Variants in C7 observed in about 807,000 individuals in gnomAD.
C7 encodes the protein complement C7, also known as complement component C7.
C7 carries 83 observed loss-of-function variants against 104.8 expected under a neutral mutation model. The ratio of observed to expected loss-of-function variants is 0.79; its 90% CI spans 0.66 to 0.95. The LOEUF (loss-of-function observed/expected upper bound fraction) is 0.95. Ranked by LOEUF, C7 falls within the 40% of genes least tolerant of loss-of-function variation. The pLI is 0.00. For synonymous variants in C7, 415 were observed against 360.6 expected, an observed-to-expected ratio of 1.15 and a Z score of -1.71; for missense variants, 1,070 against 1,011.2, an observed-to-expected ratio of 1.06 and a Z score of -0.79.
intron 9 of C7, among the ~76,000 whole-genome samples, chr5:40,954,027 T>C (rs1299129086): frequency 6.6e-6 from 1 of 152,184 alleles, no homozygotes; most frequent in Non-Finnish European, 1.5e-5. Context: ...AGGTTGGAAA[T>C]TTCTTGTCAT....
chr5:40,972,727 G>A, intron 15 of C7, 133 bp downstream of exon 15: 1 of 653,072 alleles, frequency 1.5e-6, no homozygotes. Context: ...GATAGGGTCA[G>A]TTTGTAGACT....
At chr5:40,974,367 T>C (rs986019533) in intron 15 of C7, among the ~76,000 whole-genome samples, 2 of 151,936 alleles carry the variant, frequency 1.3e-5, no homozygotes, top group Admixed American at 6.6e-5. Context: ...CAAAAATTCT[T>C]TGGGCTAGGT....
chr5:40,953,153 G>T (rs1010938548), intron 9 of C7, among the ~76,000 whole-genome samples: 1 of 151,746 alleles, frequency 6.6e-6, no homozygotes, highest in African/African-American at 2.4e-5. Flanking sequence ...ATGAAGACGA[G>T]GAAGCATCAG....
chr5:40,979,073 T>A (rs1049272965), intron 16 of C7, among the ~76,000 whole-genome samples: 4 of 151,694 alleles, frequency 2.6e-5, no homozygotes, highest in African/African-American at 9.7e-5. Flanking sequence ...AGAGATGGGG[T>A]TTCGCCATGT....
Position 40,934,464 on chromosome 5 carries a change from C to T in C7, c.278C>T (p.Ser93Leu). The T allele has an allele frequency of 4.3e-6, 7 of 1,613,460 alleles. No individual in the cohort carries two copies. The highest frequency in any genetic ancestry group is 5.9e-6 in the Non-Finnish European group (7 of 1,179,510). ...EGCGERFRCF[S>L]GQCISKSLVC... The stretch of plus-strand genomic sequence containing the variant: ...TGTGGAGAGCGTTTCAGGTGCTTTT[C>T]AGGTAACTTGTTTTCCATAGGCTCA... Residue 93 changes from serine (S) to leucine (L), a missense_variant and splice_region_variant, in exon 4 of 18, where the codon TCA (serine) becomes TTA (leucine). Ser to Leu is a moderately radical substitution (Grantham distance 145). Coordinates refer to ENST00000313164, the MANE Select transcript of C7 (RefSeq NM_000587.4).
intron 9 of C7, among the ~76,000 whole-genome samples, chr5:40,954,059 A>C (rs1195990149): frequency 6.6e-6 from 1 of 152,180 alleles, no homozygotes; most frequent in African/African-American, 2.4e-5. Flanking sequence ...ATGGAGATAA[A>C]GTATTTCTAA....
chr5:40,962,762 G>A (rs1018483868), intron 13 of C7, among the ~76,000 whole-genome samples: 4 of 152,118 alleles, frequency 2.6e-5, no homozygotes, highest in African/African-American at 7.2e-5. Context: ...TCTTTATGAC[G>A]AGGCTTTGGC....
At chr5:40,912,903 A>G (rs1169995603) in intron 1 of C7, among the ~76,000 whole-genome samples, 1 of 152,110 alleles carries the variant, frequency 6.6e-6, no homozygotes, top group African/African-American at 2.4e-5. Flanking sequence ...CTATCTTCCA[A>G]ATAATGTACA....
At chr5:40,953,639 C>CAAAAAAA (rs397961480) in intron 9 of C7, among the ~76,000 whole-genome samples, 5 of 104,072 alleles carry the variant, frequency 4.8e-5, no homozygotes, top group Non-Finnish European at 9.2e-5. Flanking sequence ...GACTCTGTCT[C>CAAAAAAA]AAAAAAAAAA....
At chr5:40,913,807 G>A (rs555218258) in intron 1 of C7, among the ~76,000 whole-genome samples, 1 of 152,178 alleles carries the variant, frequency 6.6e-6, no homozygotes, top group South Asian at 2.1e-4. Context: ...AGCCTCCCAA[G>A]TAGCTGAGAC....
intron 9 of C7, among the ~76,000 whole-genome samples, chr5:40,950,516 C>G (rs1294585817): frequency 4.8e-4 from 73 of 152,230 alleles, no homozygotes. Context: ...AACCTCTACT[C>G]CAGTCTTCTA....
At chr5:40,968,702 C>T (rs1440326521) in intron 14 of C7, among the ~76,000 whole-genome samples, 1 of 144,406 alleles carries the variant, frequency 6.9e-6, no homozygotes, top group African/African-American at 2.5e-5. Context: ...ATCTCTGCCT[C>T]CTGGGCTCAA....
rs182307732 is a variant in C7 at position 40,984,106 on chromosome 5, G to A, written c.*2533G>A. 1.5e-4 allele frequency among the ~76,000 whole-genome samples: 23 copies of A among 152,266 alleles called. No individual in the cohort carries two copies. The highest frequency in any genetic ancestry group is 3.9e-4 in the Admixed American group (6 of 15,286). On this transcript the variant is annotated 3_prime_UTR_variant, in exon 18 of 18. Coordinates refer to ENST00000313164, the MANE Select transcript of C7 (RefSeq NM_000587.4). ...AGGTGCCTGAGAATATTTCCTAATC[G>A]TTTTGAGAAGTGCCTTCCTGTGACA...
chr5:40,976,702 T>A, intron 15 of C7, 48 bp from the exon 16 acceptor site: 1 of 1,360,524 alleles, frequency 7.4e-7, no homozygotes, highest in Non-Finnish European at 1.0e-6. Flanking sequence ...TTGTTTACTA[T>A]GAAGAGGCTT....
chr5:40,957,706 G>T (rs1043193975), intron 10 of C7, among the ~76,000 whole-genome samples: 1 of 151,656 alleles, frequency 6.6e-6, no homozygotes, highest in Non-Finnish European at 1.5e-5. Flanking sequence ...CCCCCCTGCC[G>T]CAGCCTCTCA....
intron 7 of C7, among the ~76,000 whole-genome samples, chr5:40,946,100 C>T (rs993114989): frequency 4.6e-5 from 7 of 151,594 alleles, no homozygotes; most frequent in Non-Finnish European, 7.4e-5. Flanking sequence ...CTTATATATG[C>T]TTCTTAAATG....
chr5:40,963,428 G>A (rs552015987), intron 13 of C7, among the ~76,000 whole-genome samples: 226 of 152,230 alleles, frequency 1.5e-3, no homozygotes, highest in African/African-American at 5.2e-3. Flanking sequence ...GGAAGGAATA[G>A]GATCATGAGT....
intron 9 of C7, among the ~76,000 whole-genome samples, chr5:40,952,577 G>T (rs1740195145): frequency 6.6e-6 from 1 of 152,012 alleles, no homozygotes; most frequent in Admixed American, 6.6e-5. Context: ...CATGTGCCAT[G>T]TTGGTGTGCT....
chr5:40,943,265 T>C (rs1189948309), intron 6 of C7, among the ~76,000 whole-genome samples: 2 of 152,170 alleles, frequency 1.3e-5, no homozygotes, highest in South Asian at 2.1e-4. Flanking sequence ...TTCTATAATG[T>C]GAAATAATAG....
Sources: gnomAD v4.1 joint callset for allele counts (sites outside exome capture counted in the v4.1 genomes callset) on GRCh38, gnomAD v4.1.1 for gene constraint, MANE v1.5 for transcripts, NCBI Gene and HGNC (gene_info 2026-07-23, HGNC 2026-07-21) for gene names.